The following RNF180 variants were observed in gnomAD, a reference collection of about 807,000 sequenced individuals.
The protein encoded by RNF180 is ring finger protein 180, also known as E3 ubiquitin-protein ligase RNF180.
Under a neutral mutation model 59.2 loss-of-function variants are expected in RNF180, and 38 were observed. The ratio of observed to expected loss-of-function variants is 0.64; its 90% CI spans 0.50 to 0.84. The LOEUF is 0.84. Ranked by LOEUF, RNF180 falls within the 40% of genes least tolerant of loss-of-function variation. RNF180 has a pLI of 0.00. For synonymous variants in RNF180, 262 were observed against 240.3 expected, an observed-to-expected ratio of 1.09 and a Z score of -0.84; for missense variants, 705 against 700.9, an observed-to-expected ratio of 1.01 and a Z score of -0.07.
chr5:64,345,848 CA>C (rs138907016), intron 7 of RNF180, among the ~76,000 whole-genome samples: 49 of 152,042 alleles, frequency 3.2e-4, no homozygotes, highest in African/African-American at 1.1e-3. Context: ...ATTTTAGATC[CA>C]AAAAAATCCT....
intron 5 of RNF180, among the ~76,000 whole-genome samples, chr5:64,314,312 T>C (rs563749115): frequency 1.0e-3 from 152 of 152,264 alleles, no homozygotes; most frequent in African/African-American, 3.5e-3. Flanking sequence ...CTTCTTCCTC[T>C]TTGAGCTTTT....
intron 1 of RNF180, among the ~76,000 whole-genome samples, chr5:64,170,562 T>C (rs1749886611): frequency 6.6e-6 from 1 of 152,194 alleles, no homozygotes; most frequent in Non-Finnish European, 1.5e-5. Context: ...ATGACAGTAT[T>C]ATCCTGCCTA....
At chr5:64,200,696 A>G (rs1041618554) in intron 1 of RNF180, 112 bp from the exon 2 acceptor site, 18 of 848,418 alleles carry the variant, frequency 2.1e-5, no homozygotes, top group Non-Finnish European at 3.3e-5. Context: ...ACCTTAATAA[A>G]TGATAGTTCC....
chr5:64,368,717 C>G (rs1351200903), intron 7 of RNF180, among the ~76,000 whole-genome samples: 2 of 152,004 alleles, frequency 1.3e-5, no homozygotes, highest in African/African-American at 4.8e-5. Flanking sequence ...AAATGCTCAT[C>G]ATCACTGGCC....
chr5:64,244,190 A>C (rs1293586068), intron 5 of RNF180, among the ~76,000 whole-genome samples: 3 of 152,206 alleles, frequency 2.0e-5, no homozygotes, highest in Admixed American at 6.5e-5. Flanking sequence ...TTCTCCTCCA[A>C]AGGATCACAA....
At chr5:64,187,567 A>T (rs2963005) in intron 1 of RNF180, among the ~76,000 whole-genome samples, 3,563 of 152,294 alleles carry the variant, frequency 0.023, 126 homozygotes, top group African/African-American at 0.075. Context: ...GTTTAAGTTC[A>T]TAAATTAGCA....
At chr5:64,191,530 T>G (rs1442247640) in intron 1 of RNF180, among the ~76,000 whole-genome samples, 1 of 152,228 alleles carries the variant, frequency 6.6e-6, no homozygotes, top group African/African-American at 2.4e-5. Context: ...GAAATTGTCT[T>G]TCTTTACTAT....
chr5:64,252,311 A>T (rs1743633459), intron 5 of RNF180, among the ~76,000 whole-genome samples: 1 of 152,162 alleles, frequency 6.6e-6, no homozygotes, highest in South Asian at 2.1e-4. Flanking sequence ...AGTTGAGGAG[A>T]TATTGGTCAA....
chr5:64,277,376 A>G (rs930106562), intron 5 of RNF180, among the ~76,000 whole-genome samples: 2 of 152,282 alleles, frequency 1.3e-5, no homozygotes, highest in African/African-American at 2.4e-5. Flanking sequence ...TGATCAATAT[A>G]TGCTGACTTA....
intron 5 of RNF180, among the ~76,000 whole-genome samples, chr5:64,226,149 T>C (rs908125999): frequency 5.3e-5 from 8 of 150,170 alleles, no homozygotes; most frequent in Admixed American, 1.3e-4. Context: ...ATCTGGGAGG[T>C]GTACCCCACA....
rs1350075152 is a variant in RNF180, at chr5:64,213,862, C to T, written c.536C>T (p.Thr179Ile). ...ARNNNDPGRLTEALCLEVRPT... is the reference protein window; with the variant it reads ...ARNNNDPGRLIEALCLEVRPT... Reference sequence around the variant, plus strand: ...AATAATAATGACCCTGGAAGATTAACAGAAGCACTCTGCCTGGAGGTGCGA... The same window carrying T: ...AATAATAATGACCCTGGAAGATTAATAGAAGCACTCTGCCTGGAGGTGCGA... Residue 179 changes from threonine to isoleucine, a missense_variant, in exon 4 of 8, where the codon ACA becomes ATA. Thr to Ile is a moderately conservative substitution (Grantham distance 89, BLOSUM62 -1). Coordinates refer to ENST00000389100, the MANE Select transcript of RNF180 (RefSeq NM_001113561.2). 6.2e-7 allele frequency: 1 copy of T among 1,614,102 alleles called. No individual in the cohort carries two copies. The highest frequency in any genetic ancestry group is 8.5e-7 in the Non-Finnish European group (1 of 1,180,020).
intron 5 of RNF180, among the ~76,000 whole-genome samples, chr5:64,245,327 T>C (rs551082242): frequency 2.6e-5 from 4 of 152,144 alleles, no homozygotes; most frequent in Non-Finnish European, 5.9e-5. Flanking sequence ...GACTGGCAAA[T>C]TGGATAAAGA....
intron 7 of RNF180, among the ~76,000 whole-genome samples, chr5:64,346,356 C>CTTTTTTTTTTTTT (rs1745554810): frequency 8.5e-5 from 4 of 47,134 alleles, no homozygotes; most frequent in South Asian, 7.3e-4. Context: ...TTTTTCTTTT[C>CTTTTTTTTTTTTT]TTCTTTTTTT....
intron 1 of RNF180, among the ~76,000 whole-genome samples, chr5:64,196,275 G>T (rs1327027145): frequency 1.3e-5 from 2 of 151,442 alleles, no homozygotes; most frequent in East Asian, 3.9e-4. Flanking sequence ...CTACAAATTT[G>T]AATAATAGGG....
At chr5:64,339,816 C>A (rs1745288079) in intron 7 of RNF180, among the ~76,000 whole-genome samples, 1 of 152,060 alleles carries the variant, frequency 6.6e-6, no homozygotes, top group Non-Finnish European at 1.5e-5. Flanking sequence ...CCTTTTCACC[C>A]TATGAAGTGT....
In RNF180 at chr5:64,213,844, A is replaced by G; in HGVS notation, c.518A>G (p.Asn173Ser). 6.2e-7 allele frequency: 1 copy of G among 1,614,128 alleles called. No individual in the cohort carries two copies. The highest frequency in any genetic ancestry group is 8.5e-7 in the Non-Finnish European group (1 of 1,180,010). Reference sequence around the variant, plus strand: ...CTTTTAAACATGGCCCGAAATAATAATGACCCTGGAAGATTAACAGAAGCA... The same window carrying G: ...CTTTTAAACATGGCCCGAAATAATAGTGACCCTGGAAGATTAACAGAAGCA... ...HRLLNMARNN[N>S]DPGRLTEALC... Residue 173 changes from asparagine (N) to serine (S), a missense_variant, in exon 4 of 8, where the codon AAT becomes AGT. Coordinates refer to ENST00000389100, the MANE Select transcript of RNF180 (RefSeq NM_001113561.2).
rs1746645916 is a variant in RNF180, at chr5:64,371,145, C to A, written c.*1331C>A. ...TAGAAGAATGGTACTGATTTCTATT[C>A]TAATGCTGTTCTTATTATTGTGTTT... On this transcript the variant is annotated 3_prime_UTR_variant, in exon 8 of 8. Transcript: ENST00000389100. The A allele has an allele frequency of 6.6e-6, 1 of 151,524 alleles. No individual in the cohort carries two copies. Among genetic ancestry groups the A allele is most frequent in the Admixed American group, 6.6e-5 (1 of 15,176 alleles). 9.4% of individuals were successfully genotyped at this position (151,524 alleles called of 1,614,324 possible). A position where few individuals can be genotyped will look rare whatever the true frequency, so the allele number is the denominator to read the frequency against.
intron 1 of RNF180, among the ~76,000 whole-genome samples, chr5:64,176,485 T>C (rs1299592443): frequency 1.3e-5 from 2 of 152,188 alleles, no homozygotes; most frequent in Non-Finnish European, 2.9e-5. Flanking sequence ...CAGGTACTTC[T>C]AGTCAGCCAT....
At chr5:64,344,472 A>C (rs1580285040) in intron 7 of RNF180, among the ~76,000 whole-genome samples, 1 of 152,208 alleles carries the variant, frequency 6.6e-6, no homozygotes, top group Admixed American at 6.5e-5. Context: ...AGAAATAGAA[A>C]TAAATCTACT....
Sources: gnomAD v4.1 joint callset for allele counts (sites outside exome capture counted in the v4.1 genomes callset) on GRCh38, gnomAD v4.1.1 for gene constraint, MANE v1.5 for transcripts, NCBI Gene and HGNC (gene_info 2026-07-23, HGNC 2026-07-21) for gene names.